Variants in RYR1 observed in about 807,000 individuals in gnomAD.
RYR1 encodes central core disease of muscle.
A neutral mutation model predicts 583.5 loss-of-function variants in RYR1; 342 were observed. The ratio of observed to expected loss-of-function variants is 0.59; its 90% confidence interval spans 0.54 to 0.64. RYR1 has a LOEUF of 0.64. Ranked by LOEUF, RYR1 falls within the 30% of genes least tolerant of loss-of-function variation. The pLI is 0.00. For missense variants in RYR1, 6,032 were observed against 6,917.2 expected (o/e 0.87, Z 4.54); for synonymous variants, 2,791 against 2,822.5 (o/e 0.99, Z 0.35).
intron 54 of RYR1, 27 bp from the exon 55 acceptor site, chr19:38,506,276 C>T (rs1462998604): frequency 6.2e-7 from 1 of 1,612,250 alleles, no homozygotes; most frequent in Non-Finnish European, 8.5e-7. Context: ...CATCAGCCCA[C>T]CTCCCATCTT....
At position 38,443,480 on chromosome 19, in the gene RYR1, T is replaced by C. The variant is rs550813845; in HGVS notation, c.271-78T>C. On this transcript the variant is annotated intron_variant, in intron 3 of 105. Coordinates refer to ENST00000359596, the MANE Select transcript of RYR1 (RefSeq NM_000540.3). ...ATTTTACAGGGAGCATCTTGTCACC[T>C]GTGACTAGGCCAGACCTCTTGGGGA... 6.3e-5 allele frequency: 84 copies of C among 1,337,782 alleles called. 1 individual carries two copies. The East Asian group carries it at 1.6e-3, about 26-fold the overall frequency. 82.9% of individuals were successfully genotyped at this position (1,337,782 alleles called of 1,614,324 possible).
intron 22 of RYR1, among the ~76,000 whole-genome samples, chr19:38,464,354 G>A (rs1967974376): frequency 2.0e-5 from 3 of 148,786 alleles, no homozygotes. Context: ...GAAAGAGAGA[G>A]AAAGAAAAGG....
intron 87 of RYR1, 27 bp from the exon 88 acceptor site, chr19:38,546,418 C>T (rs1358160689): frequency 1.2e-6 from 2 of 1,606,606 alleles, no homozygotes; most frequent in Non-Finnish European, 8.5e-7. Flanking sequence ...ATGCTGAGAC[C>T]AGCCCTCACC....
intron 70 of RYR1, among the ~76,000 whole-genome samples, chr19:38,524,723 T>G (rs1971392957): frequency 6.6e-6 from 1 of 152,220 alleles, no homozygotes; most frequent in South Asian, 2.1e-4. Flanking sequence ...CCTTGTCTTT[T>G]TCAGTCTCTC....
In RYR1 at chr19:38,459,293, T is replaced by C. The variant is rs1245178073; in HGVS notation, c.2315T>C (p.Leu772Pro). 6.2e-7 allele frequency: 1 copy of C among 1,614,132 alleles called. No individual in the cohort carries two copies. Among genetic ancestry groups the C allele is most frequent in the South Asian group, 1.1e-5 (1 of 91,062 alleles). Residue 772 changes from leucine to proline, a missense_variant, in exon 19 of 106, where the codon CTG becomes CCG. By Grantham distance (98) the Leu-to-Pro change is moderately conservative. Around this residue, in one of 11 missense-constraint regions of RYR1, gnomAD observed 2,627 missense variants for 2,961.3 expected, o/e 0.89. Coordinates refer to ENST00000359596, the MANE Select transcript of RYR1 (RefSeq NM_000540.3). ...CAGGGTGTCTTTGAGTCCTTCAACC[T>C]GGACGGGCTCTTCTTCCCTGTTGTC... ...PVQGVFESFN[L>P]DGLFFPVVSF...
chr19:38,463,597 G>C, intron 21 of RYR1, 70 bp downstream of exon 21: 1 of 1,534,176 alleles, frequency 6.5e-7, no homozygotes, highest in Non-Finnish European at 9.0e-7. Flanking sequence ...GCGGCTCACC[G>C]GCGGAGAGGA....
At position 38,496,562 on chromosome 19, in the gene RYR1, G is replaced by A. The variant is rs1455397699; in HGVS notation, c.6796+21G>A. The A allele has an allele frequency of 6.2e-7, 1 of 1,612,814 alleles. No homozygotes were observed. Among genetic ancestry groups the A allele is most frequent in the Non-Finnish European group, 8.5e-7 (1 of 1,180,022 alleles). Reference sequence around the variant, plus strand: ...CCTGGGTGAGAACCCCCGAGCCCAGGGGCTGTCCCCCAGAACCCACTCCTG... The same window carrying A: ...CCTGGGTGAGAACCCCCGAGCCCAGAGGCTGTCCCCCAGAACCCACTCCTG... On this transcript the variant is annotated intron_variant, in intron 41 of 105. Coordinates refer to ENST00000359596, the MANE Select transcript of RYR1 (RefSeq NM_000540.3). This position sits in a 1 kb window ranked among gnomAD's most constrained non-coding sequence, Gnocchi z 4.8.
chr19:38,447,774 A>G (rs1600653637), intron 9 of RYR1, among the ~76,000 whole-genome samples: 1 of 148,160 alleles, frequency 6.7e-6, no homozygotes, highest in East Asian at 2.1e-4. Flanking sequence ...CCTGGGAGGC[A>G]GAGGTTGCAG....
intron 64 of RYR1, 32 bp from the exon 65 acceptor site, chr19:38,516,055 A>G: frequency 6.5e-7 from 1 of 1,541,224 alleles, no homozygotes; most frequent in Non-Finnish European, 8.8e-7. Flanking sequence ...AGAGGGGGAC[A>G]CGTGGCAGCT....
intron 102 of RYR1, among the ~76,000 whole-genome samples, chr19:38,585,384 A>ATATT (rs1392382984): frequency 6.8e-6 from 1 of 147,134 alleles, no homozygotes; most frequent in Admixed American, 6.8e-5. Context: ...ATATATATAT[A>ATATT]TATGTTTATT....
Position 38,580,202 on chromosome 19 carries a change from G to A in RYR1, c.14511+74G>A, listed in dbSNP as rs529606679. ...GGCAGTGGGTGGTGAAGGGATAAGG[G>A]CCGGGCAGCTGGGCTGAGGAGGGGC... On this transcript the variant is annotated intron_variant, in intron 100 of 105. Coordinates refer to ENST00000359596, the MANE Select transcript of RYR1 (RefSeq NM_000540.3). 3,841 of 1,609,328 alleles carry A rather than the reference G, an allele frequency of 2.4e-3. 66 individuals carry two copies. In the South Asian group the frequency reaches 0.026, roughly 11 times the overall value.
intron 17 of RYR1, 79 bp from the exon 18 acceptor site, chr19:38,457,972 T>C (rs754626836): frequency 5.6e-5 from 81 of 1,449,592 alleles, no homozygotes; most frequent in Non-Finnish European, 7.7e-5. Flanking sequence ...TGGATGTCTG[T>C]CTCTCTCTGG....
chr19:38,500,579 G>A lies in RYR1; in HGVS notation c.7324-27G>A, dbSNP rs751280708. 1 of 1,611,646 alleles carries A rather than the reference G, an allele frequency of 6.2e-7. No individual in the cohort carries two copies. The highest frequency in any genetic ancestry group is 1.3e-5 in the African/African-American group (1 of 74,940). On this transcript the variant is annotated intron_variant, in intron 45 of 105. Coordinates refer to ENST00000359596, the MANE Select transcript of RYR1 (RefSeq NM_000540.3). This position sits in a 1 kb window ranked among gnomAD's most constrained non-coding sequence, Gnocchi z 5.9. ...AGTGGGGCACCAGCGCCTGATGAGT[G>A]CCCCTCTCCCTCCCTCTACTCCCCA...
chr19:38,561,302 C>T lies in RYR1; in HGVS notation c.12472C>T (p.Arg4158Cys), dbSNP rs1007537446. ...NLSEHVPHDP[R>C]LHNFLELAES... ...GTCGGAGCATGTGCCGCATGACCCT[C>T]GCCTGCACAACTTCCTGGAGCTGGC... is the stretch of plus-strand genomic sequence containing the variant. The change falls in exon 90 of 106, where the codon CGC (arginine) becomes TGC (cysteine). Residue 4158 changes from arginine to cysteine, a missense_variant. Transcript: ENST00000359596. This position sits in a 1 kb window ranked among gnomAD's most constrained non-coding sequence, Gnocchi z 4.8. 1 of 1,614,034 alleles carries T rather than the reference C, an allele frequency of 6.2e-7. No individual in the cohort carries two copies. Among genetic ancestry groups the T allele is most frequent in the Non-Finnish European group, 8.5e-7 (1 of 1,180,038 alleles).
At chr19:38,507,009 C>A (rs1191242728) in intron 57 of RYR1, 57 bp downstream of exon 57, 1 of 1,610,628 alleles carries the variant, frequency 6.2e-7, no homozygotes, top group Non-Finnish European at 8.5e-7. Flanking sequence ...CCGGCAAAGG[C>A]TGGAAGGGGC....
At chr19:38,460,328 C>T (rs1354549176) in intron 19 of RYR1, 47 bp from the exon 20 acceptor site, 2 of 1,540,284 alleles carry the variant, frequency 1.3e-6, no homozygotes, top group African/African-American at 2.7e-5. Context: ...CACAGACTGT[C>T]CCCCATAACC....
At chr19:38,445,542 TGACCCTCAAACTCA>T (rs1273965140) in intron 7 of RYR1, among the ~76,000 whole-genome samples, 4 of 152,152 alleles carry the variant, frequency 2.6e-5, no homozygotes, top group Non-Finnish European at 5.9e-5. Flanking sequence ...AGATGGTTTT[TGACCCTCAAACTCA>T]GACCCTGAAA....
rs12462320 is a variant in RYR1, at chr19:38,468,095, A to T, written c.3381+283A>T. On this transcript the variant is annotated intron_variant, in intron 25 of 105. Transcript: ENST00000359596. ...ATCCATCCATCCATCCATCCATCCA[A>T]CCATCCATCCAGCTAACCAACCATC... is the stretch of plus-strand genomic sequence containing the variant. 2.9e-5 allele frequency among the ~76,000 whole-genome samples: 4 copies of T among 139,116 alleles called. No individual in the cohort carries two copies. The South Asian group carries it at 7.0e-4, about 24-fold the overall frequency. The allele number at this position is 139,116 out of a possible 152,430, so 91.3% of individuals were successfully genotyped here. A position where few individuals can be genotyped will look rare whatever the true frequency, so the allele number is the denominator to read the frequency against.
chr19:38,565,066 G>T lies in RYR1; in HGVS notation c.12732G>T (p.Met4244Ile). ...VSFCEDTIFEMQIAAQISEPE... is the reference protein window; with the variant it reads ...VSFCEDTIFEIQIAAQISEPE... ...TCTGCGAGGACACCATCTTCGAGAT[G>T]CAGATCGCCGCGCAGATCTCGGAGC... is the stretch of plus-strand genomic sequence containing the variant. Residue 4244 changes from methionine (M) to isoleucine (I), a missense_variant, in exon 91 of 106, where the codon ATG becomes ATT. Physicochemically the swap from Met to Ile is conservative, Grantham distance 10 (BLOSUM62 1). Transcript: ENST00000359596. This position sits in a 1 kb window ranked among gnomAD's most constrained non-coding sequence, Gnocchi z 4.7. 6.4e-7 allele frequency: 1 copy of T among 1,562,722 alleles called. No individual in the cohort carries two copies.
Sources: gnomAD v4.1 joint callset for allele counts (sites outside exome capture counted in the v4.1 genomes callset) on GRCh38, gnomAD v4.1.1 for gene constraint, gnomAD v4.1.1 regional missense constraint, Gnocchi (gnomAD v3.1) non-coding constraint, MANE v1.5 for transcripts, NCBI Gene and HGNC (gene_info 2026-07-23, HGNC 2026-07-21) for gene names.